PAAF1: variants seen among roughly 807,000 people sequenced by gnomAD.
The protein encoded by PAAF1 is proteasomal ATPase associated factor 1.
PAAF1 carries 46 observed loss-of-function variants against 52.8 expected under a neutral mutation model. The observed-to-expected ratio is 0.87, with a 90% CI of 0.69 to 1.11. The LOEUF (loss-of-function observed/expected upper bound fraction) is 1.11. PAAF1 is among the 50% of genes most tolerant of loss of function. The pLI, the probability that PAAF1 is intolerant of heterozygous loss-of-function variation, is 0.00. For synonymous variants in PAAF1, 178 were observed against 172.8 expected, an observed-to-expected ratio of 1.03 and a Z score of -0.24; for missense variants, 424 against 477.4, an observed-to-expected ratio of 0.89 and a Z score of 1.04.
Position 73,924,552 on chromosome 11 carries a change from T to C in PAAF1, c.1019-63T>C, listed in dbSNP as rs1453461201. 4 of 1,353,598 alleles carry C rather than the reference T, an allele frequency of 3.0e-6. No homozygotes were observed. The African/African-American group carries it at 5.7e-5, about 19-fold the overall frequency. 83.8% of individuals were successfully genotyped at this position (1,353,598 alleles called of 1,614,324 possible). ...GATCTACAGAAGCAAATAAAAATAC[T>C]GAGTTTTTAAACTCTGGATGCAGTT... is the stretch of plus-strand genomic sequence containing the variant. On this transcript the variant is annotated intron_variant, in intron 10 of 11. Transcript: ENST00000310571.
chr11:73,913,679 T>C (rs1315309031), intron 7 of PAAF1, among the ~76,000 whole-genome samples: 2 of 145,302 alleles, frequency 1.4e-5, no homozygotes, highest in Non-Finnish European at 3.0e-5. Context: ...TGTCATCACA[T>C]AGAAGATGAG....
intron 5 of PAAF1, among the ~76,000 whole-genome samples, chr11:73,899,794 C>T (rs1044642885): frequency 1.3e-5 from 2 of 152,246 alleles, no homozygotes; most frequent in East Asian, 1.9e-4. Context: ...AGGAGCCAGA[C>T]CAGTGAAGGT....
At chr11:73,901,179 G>T (rs1370505528) in intron 6 of PAAF1, among the ~76,000 whole-genome samples, 2 of 151,422 alleles carry the variant, frequency 1.3e-5, no homozygotes, top group Non-Finnish European at 2.9e-5. Context: ...GTGGCTAATG[G>T]CTGCATCATC....
At chr11:73,898,744 G>A (rs940194738) in intron 4 of PAAF1, among the ~76,000 whole-genome samples, 1 of 152,080 alleles carries the variant, frequency 6.6e-6, no homozygotes, top group African/African-American at 2.4e-5. Flanking sequence ...AGCCTGGGAG[G>A]CAGAGGTTGC....
At chr11:73,893,786 C>T (rs35133035) in intron 4 of PAAF1, among the ~76,000 whole-genome samples, 11,903 of 149,492 alleles carry the variant, frequency 0.08, 676 homozygotes, top group African/African-American at 0.16. Context: ...AACGTGGGCG[C>T]GGTGGCTCAT....
intron 7 of PAAF1, among the ~76,000 whole-genome samples, chr11:73,911,785 C>G (rs139500702): frequency 0.01 from 1,591 of 152,070 alleles, 32 homozygotes; most frequent in African/African-American, 0.035. Flanking sequence ...GGGTGCCCAC[C>G]ACCATGCCTG....
intron 10 of PAAF1, among the ~76,000 whole-genome samples, chr11:73,923,107 A>T (rs1275850288): frequency 1.3e-5 from 2 of 152,032 alleles, no homozygotes; most frequent in Non-Finnish European, 2.9e-5. Flanking sequence ...GTCTTATTTC[A>T]TCTGTTAGCA....
intron 11 of PAAF1, among the ~76,000 whole-genome samples, chr11:73,926,835 G>A (rs1950375064): frequency 2.0e-5 from 3 of 152,120 alleles, no homozygotes; most frequent in Admixed American, 2.0e-4. Context: ...CAGCTAGTTG[G>A]TAGTAAAGCT....
intron 7 of PAAF1, 142 bp from the exon 8 acceptor site, chr11:73,914,271 G>A: frequency 1.6e-6 from 1 of 636,208 alleles, no homozygotes; most frequent in Non-Finnish European, 2.8e-6. Context: ...ATACCACAGT[G>A]AGATACAGAA....
chr11:73,901,613 T>G (rs559671366), intron 6 of PAAF1, among the ~76,000 whole-genome samples: 8 of 152,190 alleles, frequency 5.3e-5, no homozygotes, highest in African/African-American at 1.9e-4. Flanking sequence ...AGATTTTTTT[T>G]TTTTTTTAAG....
At chr11:73,920,008 T>C (rs12790445) in intron 10 of PAAF1, among the ~76,000 whole-genome samples, 8,604 of 151,966 alleles carry the variant, frequency 0.057, 272 homozygotes, top group Middle Eastern at 0.099. Flanking sequence ...TATTCTGGAT[T>C]GGATCCAGGA....
intron 2 of PAAF1, among the ~76,000 whole-genome samples, chr11:73,882,354 T>G (rs1319822428): frequency 6.6e-6 from 1 of 151,244 alleles, no homozygotes; most frequent in Non-Finnish European, 1.5e-5. Context: ...GATTCAGTTT[T>G]CTTTATGAAT....
intron 1 of PAAF1, chr11:73,877,327 G>C: frequency 5.8e-6 from 2 of 342,608 alleles, no homozygotes; most frequent in Admixed American, 4.8e-5. Flanking sequence ...GAAAGACAGG[G>C]ATACTGGGAG....
intron 8 of PAAF1, among the ~76,000 whole-genome samples, chr11:73,915,035 G>A (rs1950027951): frequency 6.6e-6 from 1 of 152,048 alleles, no homozygotes; most frequent in Admixed American, 6.6e-5. Flanking sequence ...AGCACTTGCA[G>A]AGAATAAAAA....
chr11:73,921,871 C>T (rs781284036), intron 10 of PAAF1: 77 of 1,121,684 alleles, frequency 6.9e-5, no homozygotes, highest in Non-Finnish European at 8.5e-5. Flanking sequence ...ACCAGGTTCT[C>T]CAGGAATGGG....
At chr11:73,885,952 G>T (rs112906014) in intron 2 of PAAF1, among the ~76,000 whole-genome samples, 325 of 152,022 alleles carry the variant, frequency 2.1e-3, no homozygotes, top group Admixed American at 4.4e-3. Context: ...AATAATAAAT[G>T]AATGTAGCAC....
At chr11:73,912,070 G>A (rs901878794) in intron 7 of PAAF1, among the ~76,000 whole-genome samples, 2 of 151,696 alleles carry the variant, frequency 1.3e-5, no homozygotes, top group African/African-American at 4.8e-5. Context: ...ACATAACACT[G>A]GTTTTCTTCC....
chr11:73,907,809 A>G (rs1949803349), intron 6 of PAAF1, among the ~76,000 whole-genome samples: 1 of 152,078 alleles, frequency 6.6e-6, no homozygotes, highest in African/African-American at 2.4e-5. Context: ...CAAGATTTCT[A>G]TTTTGTGAGC....
intron 2 of PAAF1, among the ~76,000 whole-genome samples, chr11:73,881,361 A>G (rs1235691718): frequency 6.6e-6 from 1 of 152,184 alleles, no homozygotes; most frequent in African/African-American, 2.4e-5. Context: ...ATCTCAGCTC[A>G]CTGCAACCTC....
Sources: allele counts gnomAD v4.1 joint callset (sites outside exome capture counted in the v4.1 genomes callset), GRCh38; gene constraint gnomAD v4.1.1; transcripts MANE v1.5; gene names NCBI Gene and HGNC (gene_info 2026-07-23, HGNC 2026-07-21).